TENM2: variants seen among roughly 807,000 people sequenced by gnomAD.
The protein encoded by TENM2 is teneurin-2.
TENM2 carries 52 observed loss-of-function variants against 245.2 expected under a neutral mutation model. The ratio of observed to expected loss-of-function variants is 0.21; its 90% CI spans 0.17 to 0.27. TENM2 has a LOEUF of 0.27. Ranked by LOEUF, TENM2 falls within the 10% of genes least tolerant of loss-of-function variation. The probability of loss-of-function intolerance (pLI) is 1.00; values close to 1 mark genes in which losing one functional copy is unlikely to be tolerated. For missense variants in TENM2, 3,046 were observed against 3,666.8 expected (o/e 0.83, Z 4.37); for synonymous variants, 1,363 against 1,438.9 (o/e 0.95, Z 1.19).
intron 2 of TENM2, among the ~76,000 whole-genome samples, chr5:167,668,446 A>G (rs920705625): frequency 4.6e-5 from 7 of 152,302 alleles, no homozygotes; most frequent in South Asian, 2.1e-4. Context: ...GTTAAATGCT[A>G]TTACTCCTTG....
chr5:167,849,984 G>C (rs1021380886), intron 2 of TENM2, among the ~76,000 whole-genome samples: 3 of 152,042 alleles, frequency 2.0e-5, no homozygotes, highest in Admixed American at 1.3e-4. Context: ...AGGATTGATT[G>C]CATCATTGTC....
At chr5:168,036,732 TAC>T (rs1476381689) in intron 5 of TENM2, among the ~76,000 whole-genome samples, 96 of 146,090 alleles carry the variant, frequency 6.6e-4, no homozygotes, top group Non-Finnish European at 6.0e-4. Context: ...TGTATATATA[TAC>T]GTATGTGTAT....
At chr5:168,099,110 A>G (rs1034418457) in intron 9 of TENM2, among the ~76,000 whole-genome samples, 4 of 151,766 alleles carry the variant, frequency 2.6e-5, no homozygotes, top group Non-Finnish European at 5.9e-5. Flanking sequence ...GGGTTTCACT[A>G]TGTTGGCCAG....
At chr5:167,093,162 T>C in the TENM2 span, among the ~76,000 whole-genome samples, 13 of 151,794 alleles carry the variant, frequency 8.6e-5, no homozygotes, top group Non-Finnish European at 1.5e-4. Flanking sequence ...AAAAAAAAAG[T>C]TGTGACAAGA....
chr5:167,589,252 T>C (rs17068792), intron 2 of TENM2, among the ~76,000 whole-genome samples: 6,214 of 151,988 alleles, frequency 0.041, 252 homozygotes, highest in African/African-American at 0.11. Context: ...GAATGATATA[T>C]TTACCATTGT....
intron 1 of TENM2, among the ~76,000 whole-genome samples, chr5:167,295,518 G>C (rs1445305852): frequency 6.6e-6 from 1 of 152,196 alleles, no homozygotes; most frequent in Non-Finnish European, 1.5e-5. Flanking sequence ...CGGAAGAATT[G>C]CCAGGATCAG....
intron 2 of TENM2, among the ~76,000 whole-genome samples, chr5:167,454,031 A>G (rs971190585): frequency 6.6e-6 from 1 of 152,152 alleles, no homozygotes; most frequent in African/African-American, 2.4e-5. Context: ...AGTTTATCAA[A>G]ATCACTTTTG....
At chr5:167,981,080 G>A (rs1348059698) in intron 4 of TENM2, among the ~76,000 whole-genome samples, 2 of 152,284 alleles carry the variant, frequency 1.3e-5, no homozygotes, top group Non-Finnish European at 1.5e-5. Flanking sequence ...TGACTGGTCC[G>A]AGTAAGGATA....
the TENM2 span, among the ~76,000 whole-genome samples, chr5:167,083,924 A>C: frequency 6.6e-6 from 1 of 152,156 alleles, no homozygotes; most frequent in African/African-American, 2.4e-5. Flanking sequence ...ATGTGTGTTC[A>C]AAGTTAAGGA....
chr5:167,768,841 G>A (rs1489147773), intron 2 of TENM2, among the ~76,000 whole-genome samples: 2 of 152,190 alleles, frequency 1.3e-5, no homozygotes, highest in African/African-American at 4.8e-5. Context: ...AATGTTAGCT[G>A]TTATTAGAAG....
chr5:167,052,528 T>C, the TENM2 span, among the ~76,000 whole-genome samples: 17 of 152,164 alleles, frequency 1.1e-4, no homozygotes, highest in African/African-American at 3.9e-4. Flanking sequence ...TAGTATATGA[T>C]ACAACAAATA....
chr5:168,125,594 C>T (rs1205405680), intron 11 of TENM2, among the ~76,000 whole-genome samples: 3 of 152,164 alleles, frequency 2.0e-5, no homozygotes, highest in Admixed American at 2.0e-4. Context: ...GAGAAAGGTT[C>T]TGTTCACACT....
intron 3 of TENM2, among the ~76,000 whole-genome samples, chr5:167,941,713 G>T (rs1350727023): frequency 2.0e-5 from 3 of 151,088 alleles, no homozygotes; most frequent in Non-Finnish European, 2.9e-5. Context: ...AATTAGCCAG[G>T]CATGGTGGTA....
chr5:168,201,171 G>A (rs962936438), intron 17 of TENM2, among the ~76,000 whole-genome samples: 1 of 151,916 alleles, frequency 6.6e-6, no homozygotes, highest in Admixed American at 6.6e-5. Context: ...CAGCCCTGGG[G>A]GTCTGCTCCA....
intron 3 of TENM2, among the ~76,000 whole-genome samples, chr5:167,940,252 A>G (rs1779064234): frequency 6.7e-6 from 1 of 150,104 alleles, no homozygotes; most frequent in African/African-American, 2.5e-5. Context: ...TTCTTGCCAT[A>G]TTTGTCAATG....
the TENM2 span, among the ~76,000 whole-genome samples, chr5:167,117,964 C>A: frequency 6.6e-6 from 1 of 152,170 alleles, no homozygotes; most frequent in Non-Finnish European, 1.5e-5. Context: ...ACATCCACAC[C>A]ATGGGCAAAG....
chr5:167,054,667 C>T, the TENM2 span, among the ~76,000 whole-genome samples: 1 of 152,148 alleles, frequency 6.6e-6, no homozygotes, highest in African/African-American at 2.4e-5. Flanking sequence ...TAAGATTTCT[C>T]ATTGCTCCAC....
At chr5:168,170,803 A>G (rs558266634) in intron 13 of TENM2, among the ~76,000 whole-genome samples, 23 of 152,300 alleles carry the variant, frequency 1.5e-4, no homozygotes, top group Admixed American at 1.5e-3. Context: ...TTGGCCATTG[A>G]AAGCAATTAA....
intron 5 of TENM2, among the ~76,000 whole-genome samples, chr5:168,016,323 A>G (rs1350488386): frequency 3.3e-5 from 5 of 152,260 alleles, no homozygotes; most frequent in Middle Eastern, 3.4e-3. Flanking sequence ...GGAGTCCCCA[A>G]CGCCCTTCAA....
Sources: gnomAD v4.1 joint callset for allele counts (sites outside exome capture counted in the v4.1 genomes callset) on GRCh38, gnomAD v4.1.1 for gene constraint, MANE v1.5 for transcripts, NCBI Gene and HGNC (gene_info 2026-07-23, HGNC 2026-07-21) for gene names.